The following RUNDC3B variants were observed in gnomAD, a reference collection of about 807,000 sequenced individuals.
RUNDC3B encodes RUN domain containing 3B.
A neutral mutation model predicts 58.4 loss-of-function variants in RUNDC3B; 33 were observed. The ratio of observed to expected loss-of-function variants is 0.56; its 90% CI spans 0.43 to 0.75. The LOEUF is 0.75. Ranked by LOEUF, RUNDC3B falls within the 30% of genes least tolerant of loss-of-function variation. RUNDC3B has a pLI of 0.00. For missense variants in RUNDC3B, 501 were observed against 535.7 expected (o/e 0.94, Z 0.64); for synonymous variants, 193 against 195.2 (o/e 0.99, Z 0.10).
chr7:87,735,371 A>G (rs1016779063), intron 4 of RUNDC3B, among the ~76,000 whole-genome samples: 2 of 152,130 alleles, frequency 1.3e-5, no homozygotes, highest in African/African-American at 2.4e-5. Flanking sequence ...CTGACCTTCC[A>G]GTTTGCCCCC....
chr7:87,758,874 C>T (rs993813681), intron 6 of RUNDC3B, among the ~76,000 whole-genome samples: 2 of 152,102 alleles, frequency 1.3e-5, no homozygotes, highest in African/African-American at 4.8e-5. Context: ...TTTTACACTG[C>T]TGGTGGGAAT....
intron 2 of RUNDC3B, among the ~76,000 whole-genome samples, chr7:87,662,254 G>T (rs1485005850): frequency 6.6e-6 from 1 of 151,966 alleles, no homozygotes; most frequent in Admixed American, 6.6e-5. Flanking sequence ...TTTTTAACTT[G>T]ATGTGATCTC....
intron 6 of RUNDC3B, among the ~76,000 whole-genome samples, chr7:87,746,061 A>G (rs1228812310): frequency 6.6e-6 from 1 of 152,126 alleles, no homozygotes; most frequent in Non-Finnish European, 1.5e-5. Context: ...TTTTGACTCA[A>G]TGCTCATTAA....
intron 2 of RUNDC3B, among the ~76,000 whole-genome samples, chr7:87,653,177 T>C (rs1823751269): frequency 6.6e-6 from 1 of 152,088 alleles, no homozygotes; most frequent in Admixed American, 6.6e-5. Flanking sequence ...TAGGAATTAA[T>C]AACAATATTA....
At chr7:87,736,740 A>G (rs982956157) in intron 4 of RUNDC3B, among the ~76,000 whole-genome samples, 5 of 148,058 alleles carry the variant, frequency 3.4e-5, no homozygotes, top group Non-Finnish European at 4.5e-5. Flanking sequence ...TAATATGTTG[A>G]ACTTAAGCAG....
chr7:87,810,231 G>C (rs545441521), intron 9 of RUNDC3B, among the ~76,000 whole-genome samples: 15 of 152,254 alleles, frequency 9.9e-5, no homozygotes, highest in African/African-American at 3.6e-4. Context: ...CATGAATCAG[G>C]CAACGTTCAG....
At chr7:87,660,417 T>C (rs548008023) in intron 2 of RUNDC3B, among the ~76,000 whole-genome samples, 47 of 152,260 alleles carry the variant, frequency 3.1e-4, no homozygotes, top group Admixed American at 2.6e-4. Flanking sequence ...TTTCCTTTAA[T>C]GTGACACTTA....
At chr7:87,735,990 C>G (rs1831906875) in intron 4 of RUNDC3B, among the ~76,000 whole-genome samples, 2 of 152,128 alleles carry the variant, frequency 1.3e-5, no homozygotes, top group African/African-American at 4.8e-5. Context: ...AAAATAATTA[C>G]TGAATCTCAC....
Position 87,827,382 on chromosome 7 carries a change from G to A in RUNDC3B, c.1226-2503G>A, listed in dbSNP as rs1837873795. Among the ~76,000 whole-genome samples, 4 of 152,134 alleles carry A rather than the reference G, an allele frequency of 2.6e-5. No homozygotes were observed. In the South Asian group the frequency reaches 8.3e-4, roughly 32 times the overall value. ...GGCCCCTGTAATCCCAACTACTGGGGAGGCTGAGGCAGGTGAATTGCTTGA... is the reference window on the plus strand; with the variant it reads ...GGCCCCTGTAATCCCAACTACTGGGAAGGCTGAGGCAGGTGAATTGCTTGA... On this transcript the variant is annotated intron_variant, in intron 10 of 10. Transcript: ENST00000394654.
intron 2 of RUNDC3B, among the ~76,000 whole-genome samples, chr7:87,679,377 G>A (rs1368610177): frequency 6.7e-6 from 1 of 149,520 alleles, no homozygotes; most frequent in Admixed American, 6.7e-5. Context: ...ACAAGTGTGA[G>A]CCACCGTGCC....
chr7:87,805,821 C>T (rs1410737235), intron 8 of RUNDC3B, among the ~76,000 whole-genome samples: 2 of 151,994 alleles, frequency 1.3e-5, no homozygotes, highest in Admixed American at 6.6e-5. Flanking sequence ...CACTAGATTC[C>T]CTCAAGAAAT....
chr7:87,649,023 C>G (rs1459230560), intron 1 of RUNDC3B, among the ~76,000 whole-genome samples: 1 of 151,938 alleles, frequency 6.6e-6, no homozygotes, highest in Non-Finnish European at 1.5e-5. Flanking sequence ...TTAAAAAAAG[C>G]TTGTACTCTT....
intron 4 of RUNDC3B, among the ~76,000 whole-genome samples, chr7:87,721,886 A>G (rs953806457): frequency 1.3e-5 from 2 of 151,392 alleles, no homozygotes; most frequent in African/African-American, 4.9e-5. Context: ...GGATATTATT[A>G]GTTATTTTAT....
At chr7:87,709,107 A>G (rs1034409462) in intron 3 of RUNDC3B, 45 of 257,604 alleles carry the variant, frequency 1.7e-4, no homozygotes, top group Middle Eastern at 2.0e-3. Context: ...AATTAGCACA[A>G]CTTATCCTTA....
At chr7:87,817,076 C>T (rs573426147) in intron 10 of RUNDC3B, among the ~76,000 whole-genome samples, 2 of 152,168 alleles carry the variant, frequency 1.3e-5, no homozygotes, top group African/African-American at 4.8e-5. Flanking sequence ...TAATCCCCTA[C>T]CTCAGGGGAA....
At chr7:87,814,410 T>C (rs542972451) in intron 9 of RUNDC3B, among the ~76,000 whole-genome samples, 1 of 152,264 alleles carries the variant, frequency 6.6e-6, no homozygotes, top group Non-Finnish European at 1.5e-5. Context: ...GGAGAATTAT[T>C]TCTAATAAAA....
chr7:87,715,554 ATATAT>A (rs968170899), intron 4 of RUNDC3B, among the ~76,000 whole-genome samples: 7 of 141,166 alleles, frequency 5.0e-5, no homozygotes, highest in Admixed American at 3.9e-4. Flanking sequence ...TATTAATATA[ATATAT>A]TAAAGGACTA....
At chr7:87,823,325 A>G (rs1837598185) in intron 10 of RUNDC3B, among the ~76,000 whole-genome samples, 1 of 152,146 alleles carries the variant, frequency 6.6e-6, no homozygotes, top group African/African-American at 2.4e-5. Context: ...AGCCCTTTCC[A>G]TAGAAATCCT....
chr7:87,788,426 T>C (rs990102740), intron 8 of RUNDC3B, among the ~76,000 whole-genome samples: 2 of 152,328 alleles, frequency 1.3e-5, no homozygotes, highest in African/African-American at 4.8e-5. Context: ...AAGTATTGAA[T>C]CATTTCAATC....
Sources: gnomAD v4.1 joint callset for allele counts (sites outside exome capture counted in the v4.1 genomes callset) on GRCh38, gnomAD v4.1.1 for gene constraint, MANE v1.5 for transcripts, NCBI Gene and HGNC (gene_info 2026-07-23, HGNC 2026-07-21) for gene names.